Variants in NBEA observed in about 807,000 individuals in gnomAD.
The protein encoded by NBEA is lysosomal-trafficking regulator 2.
In NBEA, 44 loss-of-function variants were observed where a neutral mutation model predicts 343.4. The ratio of observed to expected loss-of-function variants is 0.13; its 90% CI spans 0.10 to 0.16. The LOEUF (loss-of-function observed/expected upper bound fraction) is 0.16, where lower values mean the gene tolerates loss of function less well. NBEA is among the 10% of genes least tolerant of loss of function. The pLI, the probability that NBEA is intolerant of heterozygous loss-of-function variation, is 1.00. For missense variants in NBEA, 2,555 were observed against 3,631.3 expected, an observed-to-expected ratio of 0.70 and a Z score of 7.62; for synonymous variants, 1,175 against 1,238.7, an observed-to-expected ratio of 0.95 and a Z score of 1.08.
At chr13:35,598,694 C>T (rs1000428359) in intron 47 of NBEA, among the ~76,000 whole-genome samples, 21 of 152,172 alleles carry the variant, frequency 1.4e-4, no homozygotes, top group African/African-American at 4.8e-4. Flanking sequence ...TCTCGTGAAT[C>T]ACTCTGTGTA....
intron 38 of NBEA, among the ~76,000 whole-genome samples, chr13:35,364,881 T>C (rs2041012485): frequency 6.6e-6 from 1 of 151,746 alleles, no homozygotes; most frequent in Non-Finnish European, 1.5e-5. Flanking sequence ...AAACAAAATA[T>C]AATGCAGGTG....
intron 39 of NBEA, among the ~76,000 whole-genome samples, chr13:35,450,130 A>G (rs1049794909): frequency 2.6e-5 from 4 of 152,192 alleles, no homozygotes; most frequent in African/African-American, 9.7e-5. Context: ...AAAAGGAAAA[A>G]AGCCAACTAT....
At chr13:35,169,263 T>C (rs2152720739) in intron 25 of NBEA, among the ~76,000 whole-genome samples, 1 of 151,716 alleles carries the variant, frequency 6.6e-6, no homozygotes, top group African/African-American at 2.4e-5. Context: ...AGATTTTAAT[T>C]GGTTCTAAGG....
At chr13:35,029,182 A>G (rs2062116065) in intron 1 of NBEA, among the ~76,000 whole-genome samples, 2 of 151,492 alleles carry the variant, frequency 1.3e-5, no homozygotes, top group African/African-American at 2.4e-5. Flanking sequence ...TATGTGTTAT[A>G]TATGATATAT....
intron 38 of NBEA, among the ~76,000 whole-genome samples, chr13:35,398,059 T>C (rs2152904549): frequency 6.6e-6 from 1 of 152,254 alleles, no homozygotes; most frequent in South Asian, 2.1e-4. Context: ...AGCTGCTTTA[T>C]CAATTAAGTT....
intron 17 of NBEA, among the ~76,000 whole-genome samples, chr13:35,134,168 T>C (rs1437850908): frequency 1.3e-5 from 2 of 151,930 alleles, no homozygotes; most frequent in South Asian, 4.2e-4. Flanking sequence ...TAAAGCAAAA[T>C]TCATTTGAGA....
chr13:35,393,617 G>A (rs1594464104), intron 38 of NBEA, among the ~76,000 whole-genome samples: 1 of 151,870 alleles, frequency 6.6e-6, no homozygotes, highest in Non-Finnish European at 1.5e-5. Flanking sequence ...GAAAATTCAG[G>A]TACCATTAAA....
chr13:35,176,552 C>G (rs1045892083), intron 27 of NBEA, among the ~76,000 whole-genome samples: 1 of 151,824 alleles, frequency 6.6e-6, no homozygotes, highest in Non-Finnish European at 1.5e-5. Context: ...TTAATCTTAC[C>G]GTTTCTAACC....
intron 38 of NBEA, among the ~76,000 whole-genome samples, chr13:35,381,147 T>G (rs1414343142): frequency 6.6e-6 from 1 of 152,188 alleles, no homozygotes; most frequent in Non-Finnish European, 1.5e-5. Context: ...ACTGTAAACT[T>G]CTTGACAGTT....
At chr13:35,236,466 A>G (rs922095963) in intron 34 of NBEA, among the ~76,000 whole-genome samples, 5 of 140,570 alleles carry the variant, frequency 3.6e-5, no homozygotes, top group Non-Finnish European at 6.2e-5. Context: ...GTTTTGTTTG[A>G]GACGGAGTCT....
chr13:35,328,288 A>G (rs1014924471), intron 36 of NBEA, among the ~76,000 whole-genome samples: 1 of 152,018 alleles, frequency 6.6e-6, no homozygotes, highest in African/African-American at 2.4e-5. Flanking sequence ...AATAGGAAGC[A>G]CTTAGGGGTA....
chr13:35,271,485 A>T (rs2034144217), intron 34 of NBEA, among the ~76,000 whole-genome samples: 1 of 152,222 alleles, frequency 6.6e-6, no homozygotes, highest in Non-Finnish European at 1.5e-5. Flanking sequence ...CAGTAAGGGA[A>T]CAAAACTGGA....
intron 49 of NBEA, 112 bp downstream of exon 49, chr13:35,628,360 C>T: frequency 1.2e-6 from 1 of 806,974 alleles, no homozygotes; most frequent in Non-Finnish European, 1.8e-6. Context: ...TCTTACAAAA[C>T]AGATTTCAGG....
At chr13:35,424,832 G>C (rs946757998) in intron 38 of NBEA, among the ~76,000 whole-genome samples, 1 of 152,112 alleles carries the variant, frequency 6.6e-6, no homozygotes, top group Non-Finnish European at 1.5e-5. Context: ...TTCAGAGCCT[G>C]TTGTAGGTCT....
intron 40 of NBEA, among the ~76,000 whole-genome samples, chr13:35,456,188 A>G (rs756917655): frequency 6.6e-6 from 1 of 151,964 alleles, no homozygotes; most frequent in South Asian, 2.1e-4. Flanking sequence ...GGAGTTTTCT[A>G]GTTTTAATAA....
At chr13:35,503,508 T>G (rs553808172) in intron 41 of NBEA, among the ~76,000 whole-genome samples, 1 of 151,950 alleles carries the variant, frequency 6.6e-6, no homozygotes, top group Admixed American at 6.6e-5. Flanking sequence ...TACCATATAT[T>G]AATAATAACT....
chr13:35,504,210 A>G (rs1004789576), intron 41 of NBEA, among the ~76,000 whole-genome samples: 4 of 152,178 alleles, frequency 2.6e-5, no homozygotes, highest in African/African-American at 7.2e-5. Flanking sequence ...GTTGCCAGCT[A>G]ATTGAAGTTA....
chr13:35,142,454 G>A (rs995696129), intron 18 of NBEA, 77 bp downstream of exon 18: 1 of 906,730 alleles, frequency 1.1e-6, no homozygotes, highest in Non-Finnish European at 1.6e-6. Flanking sequence ...ATTGAGATGA[G>A]TAGTTGGTCT....
intron 38 of NBEA, among the ~76,000 whole-genome samples, chr13:35,413,724 A>G (rs77649972): frequency 0.016 from 2,466 of 152,216 alleles, 71 homozygotes; most frequent in African/African-American, 0.057. Flanking sequence ...TTCATTAATT[A>G]TTGATTGTTC....
Sources: allele counts gnomAD v4.1 joint callset (sites outside exome capture counted in the v4.1 genomes callset), GRCh38; gene constraint gnomAD v4.1.1; transcripts MANE v1.5; gene names NCBI Gene and HGNC (gene_info 2026-07-23, HGNC 2026-07-21).